Variants in ANKRD24 observed in about 807,000 individuals in gnomAD.
The protein encoded by ANKRD24 is ankyrin repeat domain 24.
Under a neutral mutation model 127.8 loss-of-function variants are expected in ANKRD24, and 109 were observed. That is an observed-to-expected ratio of 0.85 (90% confidence interval 0.73 to 1.00). ANKRD24 has a LOEUF of 1.00. Ranked by LOEUF, ANKRD24 falls within the 50% of genes least tolerant of loss-of-function variation. The probability of loss-of-function intolerance (pLI) is 0.00; values close to 1 mark genes in which losing one functional copy is unlikely to be tolerated. For synonymous variants in ANKRD24, 743 were observed against 671.1 expected (o/e 1.11, Z -1.66); for missense variants, 1,648 against 1,570.2 (o/e 1.05, Z -0.84).
intron 6 of ANKRD24, 138 bp from the exon 7 acceptor site, chr19:4,202,731 T>A: frequency 1.1e-6 from 1 of 872,430 alleles, no homozygotes; most frequent in Non-Finnish European, 1.9e-6. Context: ...TCACCAATTT[T>A]CATGAAAATG....
chr19:4,215,991 A>G lies in ANKRD24; in HGVS notation c.1211A>G (p.Asn404Ser). ...RLSLLENERE[N>S]TSYDVTTLQD... Reference sequence around the variant, plus strand: ...CCCTCCCCCCAGAACGAGCGGGAGAATACTAGCTATGACGTAACCACCCTG... The same window carrying G: ...CCCTCCCCCCAGAACGAGCGGGAGAGTACTAGCTATGACGTAACCACCCTG... The change falls in exon 16 of 22, where the codon AAT (asparagine) becomes AGT (serine). Residue 404 changes from asparagine to serine, a missense_variant. By Grantham distance (46) the Asn-to-Ser change is conservative. Coordinates refer to ENST00000318934, the MANE Select transcript of ANKRD24 (RefSeq NM_001393985.1). The G allele has an allele frequency of 6.3e-7, 1 of 1,596,384 alleles. No homozygotes were observed. The highest frequency in any genetic ancestry group is 2.3e-5 in the East Asian group (1 of 43,786).
chr19:4,190,589 C>T (rs1248733803), intron 2 of ANKRD24, among the ~76,000 whole-genome samples: 1 of 152,028 alleles, frequency 6.6e-6, no homozygotes, highest in East Asian at 1.9e-4. Flanking sequence ...GCCAGGCAGC[C>T]GGGCATGGTG....
At chr19:4,213,285 T>A in intron 15 of ANKRD24, among the ~76,000 whole-genome samples, 1 of 140,088 alleles carries the variant, frequency 7.1e-6, no homozygotes, top group Non-Finnish European at 1.5e-5. Context: ...CCTTCCCTCC[T>A]TCCTTCCTTT....
intron 21 of ANKRD24, 33 bp downstream of exon 21, chr19:4,224,225 T>G (rs1970617027): frequency 6.3e-7 from 1 of 1,587,516 alleles, no homozygotes; most frequent in South Asian, 1.1e-5. Context: ...ACCCGGTGGC[T>G]TTGGGCATAC....
At chr19:4,196,279 C>G (rs951788260) in intron 2 of ANKRD24, among the ~76,000 whole-genome samples, 1 of 152,146 alleles carries the variant, frequency 6.6e-6, no homozygotes, top group Non-Finnish European at 1.5e-5. Context: ...GAATTCAAGC[C>G]CCTGTCACCT....
chr19:4,210,442 T>A, intron 13 of ANKRD24, 70 bp downstream of exon 13: 1 of 1,314,036 alleles, frequency 7.6e-7, no homozygotes, highest in Non-Finnish European at 1.0e-6. Flanking sequence ...AAGATCCCCC[T>A]ACTTTTCTCC....
In ANKRD24 at chr19:4,202,777, G is replaced by A. The variant is rs570931108; in HGVS notation, c.409-92G>A. ...GGGGCCACGGAAGGGTGAGGCTGAAGTATAGCAGAGCCCAGGGTAGGGAAG... is the reference window on the plus strand; with the variant it reads ...GGGGCCACGGAAGGGTGAGGCTGAAATATAGCAGAGCCCAGGGTAGGGAAG... On this transcript the variant is annotated intron_variant, in intron 6 of 21. Transcript: ENST00000318934. The A allele has an allele frequency of 1.6e-5, 22 of 1,358,618 alleles. No individual in the cohort carries two copies. The African/African-American group carries it at 2.7e-4, about 17-fold the overall frequency. The allele number at this position is 1,358,618 out of a possible 1,614,324, so 84.2% of individuals were successfully genotyped here.
chr19:4,207,507 G>A lies in ANKRD24; in HGVS notation c.544G>A (p.Ala182Thr), dbSNP rs372390380. 9.2e-5 allele frequency: 149 copies of A among 1,613,754 alleles called. 1 individual carries two copies. The highest frequency in any genetic ancestry group is 3.3e-4 in the Middle Eastern group (2 of 6,062). Residue 182 changes from alanine (A) to threonine (T), a missense_variant, in exon 9 of 22, where the codon GCA (alanine) becomes ACA (threonine). Transcript: ENST00000318934. ...AHLNPQDRSG[A>T]TPLIIAAQMC... ...CCCTCCTCCTCCCTACCAGTCAGGC[G>A]CAACACCCCTCATTATAGCAGCTCA...
At chr19:4,224,080 GGGGAGGT>G in intron 20 of ANKRD24, 40 bp from the exon 21 acceptor site, 4 of 1,552,744 alleles carry the variant, frequency 2.6e-6, no homozygotes, top group Non-Finnish European at 3.5e-6. Context: ...TTTGCTCAGT[GGGGAGGT>G]GCTCCTGCTC....
rs768886447 is a variant in ANKRD24 at position 4,210,089 on chromosome 19, C to T, written c.902C>T (p.Ala301Val). ...ATGTCCAGCCATGGAAAGCAGGGGG[C>T]CCCCAAGAAGCGGAAGGCGCCTCCA... ...NSMSSHGKQG[A>V]PKKRKAPPPP... is the part of the protein sequence containing the mutation. The change falls in exon 12 of 22, where the codon GCC becomes GTC. Residue 301 changes from alanine to valine, a missense_variant. Physicochemically the swap from Ala to Val is moderately conservative, Grantham distance 64 (BLOSUM62 0). Coordinates refer to ENST00000318934, the MANE Select transcript of ANKRD24 (RefSeq NM_001393985.1). The T allele has an allele frequency of 9.3e-5, 150 of 1,612,462 alleles. No homozygotes were observed. The Middle Eastern group carries it at 1.3e-3, about 14-fold the overall frequency.
At position 4,195,792 on chromosome 19, in the gene ANKRD24, G is replaced by C. The variant is rs566697375; in HGVS notation, c.37-3891G>C. 6.6e-6 allele frequency among the ~76,000 whole-genome samples: 1 copy of C among 152,326 alleles called. No homozygotes were observed. Among genetic ancestry groups the C allele is most frequent in the African/African-American group, 2.4e-5 (1 of 41,570 alleles). ...GCCTGTAATCCCAGCTACTCGGGAA[G>C]CTGAAGCAGGAGAATTGCTTGAACC... On this transcript the variant is annotated intron_variant, in intron 2 of 21. Coordinates refer to ENST00000318934, the MANE Select transcript of ANKRD24 (RefSeq NM_001393985.1). This position sits in a 1 kb window ranked among gnomAD's most constrained non-coding sequence, Gnocchi z 4.2.
At chr19:4,223,372 C>CAT (rs59994305) in intron 20 of ANKRD24, among the ~76,000 whole-genome samples, 1,519 of 72,804 alleles carry the variant, frequency 0.021, 45 homozygotes, top group Middle Eastern at 0.05. Flanking sequence ...CCTGGCCATA[C>CAT]ATATATATAT....
chr19:4,204,684 C>T (rs1426602091), intron 7 of ANKRD24, among the ~76,000 whole-genome samples: 1 of 152,234 alleles, frequency 6.6e-6, no homozygotes, highest in Non-Finnish European at 1.5e-5. Context: ...TCGCTGACGA[C>T]TCAAGAAACA....
rs1968888304 is a variant in ANKRD24, at chr19:4,198,407, GC to G, written c.37-1274del. Reference sequence around the variant, plus strand: ...CGGCAGCGCCCAGCCCCGCCCTCCGGCCGCTCCCCGCGGTCCCTCCAGACCC... The same window carrying G: ...CGGCAGCGCCCAGCCCCGCCCTCCGGCGCTCCCCGCGGTCCCTCCAGACCC... On this transcript the variant is annotated intron_variant, in intron 2 of 21. Coordinates refer to ENST00000318934, the MANE Select transcript of ANKRD24 (RefSeq NM_001393985.1). The surrounding 1 kb of genome is among the most constrained non-coding windows in gnomAD (Gnocchi z 6.1). 2.1e-6 allele frequency: 1 copy of G among 471,776 alleles called. No homozygotes were observed. Among genetic ancestry groups the G allele is most frequent in the African/African-American group, 2.0e-5 (1 of 49,380 alleles). 29.2% of individuals were successfully genotyped at this position (471,776 alleles called of 1,614,324 possible). A position where few individuals can be genotyped will look rare whatever the true frequency, so the allele number is the denominator to read the frequency against.
Position 4,198,410 on chromosome 19 carries a change from G to A in ANKRD24, c.37-1273G>A. On this transcript the variant is annotated intron_variant, in intron 2 of 21. Coordinates refer to ENST00000318934, the MANE Select transcript of ANKRD24 (RefSeq NM_001393985.1). This position sits in a 1 kb window ranked among gnomAD's most constrained non-coding sequence, Gnocchi z 6.1. ...CAGCGCCCAGCCCCGCCCTCCGGCC[G>A]CTCCCCGCGGTCCCTCCAGACCCTC... 2 of 476,676 alleles carry A rather than the reference G, an allele frequency of 4.2e-6. No individual in the cohort carries two copies. Among genetic ancestry groups the A allele is most frequent in the South Asian group, 3.5e-5 (1 of 28,370 alleles). 29.5% of individuals were successfully genotyped at this position (476,676 alleles called of 1,614,324 possible).
At chr19:4,212,722 C>T in intron 15 of ANKRD24, 24 bp downstream of exon 15, 1 of 1,542,634 alleles carries the variant, frequency 6.5e-7, no homozygotes, top group Non-Finnish European at 8.8e-7. Flanking sequence ...TGAGTCAGGG[C>T]TGGGCTGGGG....
Position 4,182,713 on chromosome 19 carries a change from A to G in ANKRD24, c.-64A>G, listed in dbSNP as rs1251874931. On this transcript the variant is annotated 5_prime_UTR_variant, in exon 1 of 22. Transcript: ENST00000318934. ...CGCAGGCGACATGTTATCTGCTGTCAGAAGGAAGCCTGCCTCTTTGCATGC... is the reference window on the plus strand; with the variant it reads ...CGCAGGCGACATGTTATCTGCTGTCGGAAGGAAGCCTGCCTCTTTGCATGC... 6.2e-5 allele frequency: 87 copies of G among 1,408,062 alleles called. No homozygotes were observed. The highest frequency in any genetic ancestry group is 7.2e-5 in the Non-Finnish European group (78 of 1,079,420). 87.2% of individuals were successfully genotyped at this position (1,408,062 alleles called of 1,614,324 possible).
At chr19:4,222,908 G>A in intron 20 of ANKRD24, 113 bp downstream of exon 20, 2 of 1,274,944 alleles carry the variant, frequency 1.6e-6, no homozygotes, top group Non-Finnish European at 1.0e-6. Context: ...GGGTAGGCAG[G>A]TGGGGTCCAC....
chr19:4,207,641 T>C (rs745324301), intron 9 of ANKRD24, 34 bp downstream of exon 9: 44 of 1,607,552 alleles, frequency 2.7e-5, no homozygotes, highest in Admixed American at 3.3e-5. Context: ...GTCCACCCTA[T>C]GCTGTGTGAC....
Sources: allele counts gnomAD v4.1 joint callset (sites outside exome capture counted in the v4.1 genomes callset), GRCh38; gene constraint gnomAD v4.1.1; non-coding constraint Gnocchi (gnomAD v3.1); transcripts MANE v1.5; gene names NCBI Gene and HGNC (gene_info 2026-07-23, HGNC 2026-07-21).